SLC16A1: variants seen among roughly 807,000 people sequenced by gnomAD.
SLC16A1 encodes monocarboxylate transporter 1.
SLC16A1 carries 11 observed loss-of-function variants against 32.2 expected under a neutral mutation model. The observed-to-expected ratio is 0.34, with a 90% CI of 0.21 to 0.56. SLC16A1 has a LOEUF of 0.56. Among genes scored for constraint, SLC16A1 ranks in the 20% least tolerant of loss-of-function variants. SLC16A1 has a pLI of 0.87. For synonymous variants in SLC16A1, 231 were observed against 226.8 expected, an observed-to-expected ratio of 1.02 and a Z score of -0.17; for missense variants, 435 against 615.0, an observed-to-expected ratio of 0.71 and a Z score of 3.10.
At chr1:112,945,102 G>A (rs78120602) in intron 1 of SLC16A1, among the ~76,000 whole-genome samples, 6,304 of 150,758 alleles carry the variant, frequency 0.042, 448 homozygotes, top group African/African-American at 0.15. Context: ...AAGTTCAAGC[G>A]AATCTCCTGC....
At chr1:112,948,442 T>C (rs1383956716) in intron 1 of SLC16A1, among the ~76,000 whole-genome samples, 3 of 152,204 alleles carry the variant, frequency 2.0e-5, no homozygotes, top group Non-Finnish European at 2.9e-5. Context: ...ATTAAGATAA[T>C]TGTCAGTTAT....
chr1:112,939,514 A>T (rs1649428989), intron 1 of SLC16A1, among the ~76,000 whole-genome samples: 1 of 152,016 alleles, frequency 6.6e-6, no homozygotes, highest in Non-Finnish European at 1.5e-5. Context: ...AGATTAAGAA[A>T]ATGTGGAAAA....
chr1:112,950,588 A>T (rs968434031), intron 1 of SLC16A1, among the ~76,000 whole-genome samples: 1 of 152,086 alleles, frequency 6.6e-6, no homozygotes, highest in East Asian at 1.9e-4. Flanking sequence ...GTTGGATCTT[A>T]CTCTGCAGGA....
rs966654757 is a variant in SLC16A1 at position 112,912,618 on chromosome 1, G to C, written c.*1273C>G. The C allele has an allele frequency of 6.6e-6, 1 of 151,988 alleles. No individual in the cohort carries two copies. The highest frequency in any genetic ancestry group is 2.4e-5 in the African/African-American group (1 of 41,388). The allele number at this position is 151,988 out of a possible 1,614,324, so 9.4% of individuals were successfully genotyped here. A position where few individuals can be genotyped will look rare whatever the true frequency, so the allele number is the denominator to read the frequency against. The stretch of plus-strand genomic sequence containing the variant: ...AGTGAAAGGGGTCACAAAATTTTTA[G>C]GTTTGTGTGGAGGGTAAAAATGCAT... On this transcript the variant is annotated 3_prime_UTR_variant, in exon 5 of 5. Coordinates refer to ENST00000369626, the MANE Select transcript of SLC16A1 (RefSeq NM_003051.4).
At chr1:112,936,578 T>C (rs1649317357) in intron 1 of SLC16A1, among the ~76,000 whole-genome samples, 1 of 152,108 alleles carries the variant, frequency 6.6e-6, no homozygotes, top group South Asian at 2.1e-4. Flanking sequence ...CTAATCTCTT[T>C]TTGGATTTCT....
intron 1 of SLC16A1, among the ~76,000 whole-genome samples, chr1:112,944,818 G>T (rs150585728): frequency 1.3e-5 from 2 of 151,878 alleles, no homozygotes; most frequent in Non-Finnish European, 2.9e-5. Context: ...TAAGCCCCAC[G>T]AGTAGCTGGG....
chr1:112,940,039 ATTTTTTTTTTTTT>A (rs55864843), intron 1 of SLC16A1, among the ~76,000 whole-genome samples: 1 of 108,616 alleles, frequency 9.2e-6, no homozygotes, highest in African/African-American at 3.3e-5. Context: ...CTGATGGGTG[ATTTTTTTTTTTTT>A]TTTTTTTTTT....
At chr1:112,923,876 C>A (rs1007027518) in intron 2 of SLC16A1, 14 of 1,517,764 alleles carry the variant, frequency 9.2e-6, no homozygotes, top group South Asian at 4.5e-5. Flanking sequence ...ACGCCACCAC[C>A]CAGCAGGTGA....
rs909762879 is a variant in SLC16A1 at position 112,918,104 on chromosome 1, TAAG to T, written c.362-63_362-61del. ...AATAAATAAATAAATAAATAAATAATAAGAGGTATAAATAATGGAAGGAATAGG... is the reference window on the plus strand; with the variant it reads ...AATAAATAAATAAATAAATAAATAATAGGTATAAATAATGGAAGGAATAGG... On this transcript the variant is annotated intron_variant, in intron 3 of 4. Coordinates refer to ENST00000369626, the MANE Select transcript of SLC16A1 (RefSeq NM_003051.4). The T allele has an allele frequency of 1.1e-5, 11 of 992,744 alleles. No individual in the cohort carries two copies. The Middle Eastern group carries it at 1.5e-3, about 138-fold the overall frequency. The allele number at this position is 992,744 out of a possible 1,614,324, so 61.5% of individuals were successfully genotyped here.
At chr1:112,934,224 C>T (rs1320408454) in intron 1 of SLC16A1, among the ~76,000 whole-genome samples, 2 of 152,114 alleles carry the variant, frequency 1.3e-5, no homozygotes, top group Non-Finnish European at 2.9e-5. Context: ...GCATGATGCT[C>T]AAAGAAAATA....
At position 112,913,186 on chromosome 1, in the gene SLC16A1, C is replaced by T. The variant is rs1648382454; in HGVS notation, c.*705G>A. 1 of 152,222 alleles carries T rather than the reference C, an allele frequency of 6.6e-6. No homozygotes were observed. Among genetic ancestry groups the T allele is most frequent in the African/African-American group, 2.4e-5 (1 of 41,430 alleles). The allele number at this position is 152,222 out of a possible 1,614,324, so 9.4% of individuals were successfully genotyped here. On this transcript the variant is annotated 3_prime_UTR_variant, in exon 5 of 5. Coordinates refer to ENST00000369626, the MANE Select transcript of SLC16A1 (RefSeq NM_003051.4). ...GCAGAAATAGCTAATTTAATGAAAA[C>T]AAACCTTAAGCACTTTACTTGGCTT...
chr1:112,931,372 G>C (rs908182805), intron 1 of SLC16A1, among the ~76,000 whole-genome samples: 1 of 151,956 alleles, frequency 6.6e-6, no homozygotes, highest in African/African-American at 2.4e-5. Flanking sequence ...TAGGCCAGGC[G>C]CAGTGGCTCA....
At chr1:112,955,790 G>C (rs1029198240) in intron 1 of SLC16A1, 4 of 152,370 alleles carry the variant, frequency 2.6e-5, no homozygotes, top group African/African-American at 9.6e-5. Context: ...GCCTGGGACC[G>C]GCATCTTAGC....
intron 1 of SLC16A1, among the ~76,000 whole-genome samples, chr1:112,951,566 T>C (rs927804363): frequency 1.1e-4 from 17 of 152,294 alleles, no homozygotes; most frequent in African/African-American, 4.1e-4. Flanking sequence ...AAGATTTGGA[T>C]TTAGTAGTGA....
At position 112,933,194 on chromosome 1, in the gene SLC16A1, G is replaced by A. The variant is rs1354343829; in HGVS notation, c.-44-3842C>T. ...AACAACTATAAAAAAAGTTGGCCGG[G>A]CGCAGTGGCTCACGCCTGTAATCCC... On this transcript the variant is annotated intron_variant, in intron 1 of 4. Transcript: ENST00000369626. Among the ~76,000 whole-genome samples the A allele has an allele frequency of 2.0e-5, 3 of 152,232 alleles. No homozygotes were observed. In the East Asian group the frequency reaches 5.8e-4, roughly 29 times the overall value.
intron 2 of SLC16A1, among the ~76,000 whole-genome samples, chr1:112,926,654 GT>G (rs1648950179): frequency 6.6e-6 from 1 of 152,090 alleles, no homozygotes; most frequent in Non-Finnish European, 1.5e-5. Flanking sequence ...TGGGCAGATT[GT>G]TTGAGCCTAG....
intron 2 of SLC16A1, among the ~76,000 whole-genome samples, chr1:112,924,688 T>C (rs1055397776): frequency 6.6e-6 from 1 of 152,124 alleles, no homozygotes; most frequent in African/African-American, 2.4e-5. Flanking sequence ...AAAGAAAAAG[T>C]TCCTAGTTAC....
intron 1 of SLC16A1, among the ~76,000 whole-genome samples, chr1:112,950,922 A>C (rs1019956074): frequency 6.6e-6 from 1 of 152,132 alleles, no homozygotes; most frequent in African/African-American, 2.4e-5. Flanking sequence ...GCTTGAGCCC[A>C]GGAGTTACAG....
chr1:112,944,728 T>G (rs1031921656), intron 1 of SLC16A1, among the ~76,000 whole-genome samples: 1 of 152,236 alleles, frequency 6.6e-6, no homozygotes, highest in Non-Finnish European at 1.5e-5. Flanking sequence ...AGTCTCGCTC[T>G]GTCGCTGAGG....
Sources: gnomAD v4.1 joint callset for allele counts (sites outside exome capture counted in the v4.1 genomes callset) on GRCh38, gnomAD v4.1.1 for gene constraint, MANE v1.5 for transcripts, NCBI Gene and HGNC (gene_info 2026-07-23, HGNC 2026-07-21) for gene names.